L3MBTL3: variants seen among roughly 807,000 people sequenced by gnomAD.
L3MBTL3 encodes the protein L3MBTL histone methyl-lysine binding protein 3.
Under a neutral mutation model 102.3 loss-of-function variants are expected in L3MBTL3, and 27 were observed. The observed-to-expected ratio is 0.26, with a 90% CI of 0.19 to 0.36. L3MBTL3 has a LOEUF of 0.36. Ranked by LOEUF, L3MBTL3 falls within the 10% of genes least tolerant of loss-of-function variation. The pLI, the probability that L3MBTL3 is intolerant of heterozygous loss-of-function variation, is 1.00. For missense variants in L3MBTL3, 798 were observed against 955.3 expected, an observed-to-expected ratio of 0.84 and a Z score of 2.17; for synonymous variants, 340 against 320.9, an observed-to-expected ratio of 1.06 and a Z score of -0.64.
chr6:130,042,902 C>G lies in L3MBTL3; in HGVS notation c.102+101C>G, dbSNP rs569286341. The stretch of plus-strand genomic sequence containing the variant: ...TGAAATAAAAATTAAAAGCATTAAT[C>G]ATAGTGGTGTAGGTTTTAGATGATG... On this transcript the variant is annotated intron_variant, in intron 3 of 22. Transcript: ENST00000361794. 1.3e-5 allele frequency: 10 copies of G among 776,254 alleles called. No homozygotes were observed. In the African/African-American group the frequency reaches 1.4e-4, roughly 11 times the overall value. The allele number at this position is 776,254 out of a possible 1,614,324, so 48.1% of individuals were successfully genotyped here. A position where few individuals can be genotyped will look rare whatever the true frequency, so the allele number is the denominator to read the frequency against.
chr6:130,074,842 C>T (rs1562288854), intron 13 of L3MBTL3, among the ~76,000 whole-genome samples: 1 of 152,102 alleles, frequency 6.6e-6, no homozygotes, highest in Non-Finnish European at 1.5e-5. Context: ...ACAAAAAGAT[C>T]TGTGAAAAAG....
In L3MBTL3 at chr6:130,092,347, C is replaced by A. The variant is rs1232382804; in HGVS notation, c.1519-398C>A. On this transcript the variant is annotated intron_variant, in intron 16 of 22. Coordinates refer to ENST00000361794, the MANE Select transcript of L3MBTL3 (RefSeq NM_032438.4). ...CTCCTTTCCTCTCCTTCCTCTCTAC[C>A]CTCCCCTCTCATCTTCCCTCCCTCC... 2.0e-5 allele frequency among the ~76,000 whole-genome samples: 3 copies of A among 151,954 alleles called. No homozygotes were observed. The East Asian group carries it at 5.8e-4, about 30-fold the overall frequency.
At chr6:130,106,475 A>G (rs1193594596) in intron 19 of L3MBTL3, among the ~76,000 whole-genome samples, 1 of 152,008 alleles carries the variant, frequency 6.6e-6, no homozygotes, top group Non-Finnish European at 1.5e-5. Context: ...GCTCTATATC[A>G]CTGTATATGT....
In L3MBTL3 at chr6:130,032,868, C is replaced by G. The variant is rs578072876; in HGVS notation, c.-15-9817C>G. 3.5e-4 allele frequency among the ~76,000 whole-genome samples: 53 copies of G among 152,282 alleles called. 1 individual carries two copies. The South Asian group carries it at 9.5e-3, about 27-fold the overall frequency. ...ATTAGCCAGCTGTGGTGGTGTGCAC[C>G]TGTAGTGCTGGCTCCTTGGCAGGCT... On this transcript the variant is annotated intron_variant, in intron 2 of 22. Coordinates refer to ENST00000361794, the MANE Select transcript of L3MBTL3 (RefSeq NM_032438.4).
chr6:130,110,903 G>C (rs1785309515), intron 19 of L3MBTL3, among the ~76,000 whole-genome samples: 2 of 152,132 alleles, frequency 1.3e-5, no homozygotes. Context: ...CTTAAGTTAA[G>C]CTTTGAATAG....
At chr6:130,076,901 C>T (rs923112892) in intron 13 of L3MBTL3, among the ~76,000 whole-genome samples, 1 of 152,058 alleles carries the variant, frequency 6.6e-6, no homozygotes, top group Non-Finnish European at 1.5e-5. Context: ...TGATCAATAT[C>T]TAGATATTAT....
At chr6:130,041,847 T>G (rs999748095) in intron 2 of L3MBTL3, among the ~76,000 whole-genome samples, 1 of 152,182 alleles carries the variant, frequency 6.6e-6, no homozygotes, top group East Asian at 1.9e-4. Context: ...ATGGGGAGAA[T>G]TGTGAGAAAT....
chr6:130,073,137 G>T (rs796350263), intron 13 of L3MBTL3, among the ~76,000 whole-genome samples: 8 of 152,208 alleles, frequency 5.3e-5, no homozygotes, highest in African/African-American at 1.9e-4. Context: ...GGCCTGCATG[G>T]TGGCTTATGC....
intron 14 of L3MBTL3, among the ~76,000 whole-genome samples, chr6:130,081,519 A>G (rs1260591830): frequency 6.6e-6 from 1 of 151,620 alleles, no homozygotes; most frequent in Non-Finnish European, 1.5e-5. Context: ...CCTGAGTTCA[A>G]GTGATTCTCC....
At chr6:130,081,860 T>A (rs927855997) in intron 14 of L3MBTL3, among the ~76,000 whole-genome samples, 3 of 152,166 alleles carry the variant, frequency 2.0e-5, no homozygotes, top group Non-Finnish European at 4.4e-5. Context: ...GTGATGTTAT[T>A]CCTAGCAAAA....
rs1277787896 is a variant in L3MBTL3, at chr6:130,094,461, A to G, written c.1736+94A>G. ...CATATATACTAAATTGATGTGAACT[A>G]ATTTTAAATTCAGATCCATAAGAAA... On this transcript the variant is annotated intron_variant, in intron 18 of 22. Coordinates refer to ENST00000361794, the MANE Select transcript of L3MBTL3 (RefSeq NM_032438.4). 4.8e-6 allele frequency: 3 copies of G among 630,888 alleles called. No individual in the cohort carries two copies. The South Asian group carries it at 1.2e-4, about 26-fold the overall frequency. The allele number at this position is 630,888 out of a possible 1,614,324, so 39.1% of individuals were successfully genotyped here. A position where few individuals can be genotyped will look rare whatever the true frequency, so the allele number is the denominator to read the frequency against.
At chr6:130,091,102 T>C (rs181309432) in intron 16 of L3MBTL3, among the ~76,000 whole-genome samples, 4 of 152,322 alleles carry the variant, frequency 2.6e-5, no homozygotes, top group Admixed American at 2.6e-4. Flanking sequence ...TTTATAATAC[T>C]TGCCATTCTG....
rs560687616 is a variant in L3MBTL3, at chr6:130,117,544, TA to T, written c.1887-3333del. Reference sequence around the variant, plus strand: ...TAATTGGAAGACTATGTAGCTAAAATAACATTTTGCTTAGGAAGTTGAAATT... The same window carrying T: ...TAATTGGAAGACTATGTAGCTAAAATACATTTTGCTTAGGAAGTTGAAATT... On this transcript the variant is annotated intron_variant, in intron 19 of 22. Transcript: ENST00000361794. Among the ~76,000 whole-genome samples, 124 of 152,288 alleles carry T rather than the reference TA, an allele frequency of 8.1e-4. 1 individual carries two copies. Among genetic ancestry groups the T allele is most frequent in the African/African-American group, 2.9e-3 (119 of 41,566 alleles).
intron 3 of L3MBTL3, 46 bp downstream of exon 3, chr6:130,042,847 C>T (rs531367824): frequency 2.2e-5 from 27 of 1,211,730 alleles, no homozygotes; most frequent in Middle Eastern, 1.9e-4. Flanking sequence ...TGCATCTGTG[C>T]GTATGCTTAC....
In L3MBTL3 at chr6:130,070,964, G is replaced by A. The variant is rs766664421; in HGVS notation, c.1093-12G>A. 7 of 1,610,466 alleles carry A rather than the reference G, an allele frequency of 4.3e-6. No individual in the cohort carries two copies. The highest frequency in any genetic ancestry group is 1.7e-5 in the Admixed American group (1 of 59,696). ...TGTGCTTATCTCTAATTAAATCTGT[G>A]TGTTTCCATAGACAGTGATCCCATC... On this transcript the variant is annotated splice_polypyrimidine_tract_variant and intron_variant, in intron 12 of 22. Transcript: ENST00000361794.
intron 3 of L3MBTL3, among the ~76,000 whole-genome samples, chr6:130,043,488 G>A (rs1315844899): frequency 6.6e-6 from 1 of 152,074 alleles, no homozygotes; most frequent in Non-Finnish European, 1.5e-5. Context: ...CGCAAGCACC[G>A]ATCTGGGAAA....
chr6:130,125,483 G>A (rs1165219437), intron 20 of L3MBTL3, among the ~76,000 whole-genome samples: 1 of 152,090 alleles, frequency 6.6e-6, no homozygotes, highest in Non-Finnish European at 1.5e-5. Flanking sequence ...AGGCCCCATG[G>A]TAATTGTTTT....
chr6:130,116,657 G>GCTC (rs780239010), intron 19 of L3MBTL3, among the ~76,000 whole-genome samples: 1 of 152,094 alleles, frequency 6.6e-6, no homozygotes. Flanking sequence ...GGAGGCTGAG[G>GCTC]CTGGAGAAGC....
rs374456402 is a variant in L3MBTL3, at chr6:130,086,200, A to T, written c.1468A>T (p.Met490Leu). 1 of 1,613,414 alleles carries T rather than the reference A, an allele frequency of 6.2e-7. No homozygotes were observed. The highest frequency in any genetic ancestry group is 1.3e-5 in the African/African-American group (1 of 74,962). ...KLEVVDKRNPMFIRVATVADT... is the reference protein window; with the variant it reads ...KLEVVDKRNPLFIRVATVADT... ...TGAGGTTGTAGACAAAAGGAACCCT[A>T]TGTTTATTAGAGTAGCAACTGTGGC... Residue 490 changes from methionine (M) to leucine (L), a missense_variant, in exon 16 of 23, where the codon ATG (methionine) becomes TTG (leucine). Physicochemically the swap from Met to Leu is conservative, Grantham distance 15. Coordinates refer to ENST00000361794, the MANE Select transcript of L3MBTL3 (RefSeq NM_032438.4).
Sources: gnomAD v4.1 joint callset for allele counts (sites outside exome capture counted in the v4.1 genomes callset) on GRCh38, gnomAD v4.1.1 for gene constraint, MANE v1.5 for transcripts, NCBI Gene and HGNC (gene_info 2026-07-23, HGNC 2026-07-21) for gene names.